Variants in DST observed in about 807,000 individuals in gnomAD.
DST encodes dystonin, also known as bullous pemphigoid antigen.
In DST, 253 loss-of-function variants were observed where a neutral mutation model predicts 875.2. The observed-to-expected ratio is 0.29, with a 90% CI of 0.26 to 0.32. DST has a LOEUF of 0.32. Among genes scored for constraint, DST ranks in the 10% least tolerant of loss-of-function variants. The pLI, the probability that DST is intolerant of heterozygous loss-of-function variation, is 1.00. For missense variants in DST, 8,287 were observed against 9,111.6 expected (o/e 0.91, Z 3.68); for synonymous variants, 3,124 against 3,197.1 (o/e 0.98, Z 0.77).
Position 56,628,175 on chromosome 6 carries a change from A to C in DST, c.4476-14T>G. The C allele has an allele frequency of 6.2e-7, 1 of 1,611,596 alleles. No homozygotes were observed. The highest frequency in any genetic ancestry group is 1.7e-5 in the Admixed American group (1 of 60,024). On this transcript the variant is annotated splice_polypyrimidine_tract_variant and intron_variant, in intron 32 of 103. Transcript: ENST00000680361. ...AAGTCCCGTAACCTAAGAGAATAGT[A>C]ACCGAATAGTCACGGTGTCCAGCGA...
intron 10 of DST, among the ~76,000 whole-genome samples, chr6:56,668,599 T>A (rs6904008): frequency 0.012 from 1,862 of 151,612 alleles, 31 homozygotes; most frequent in African/African-American, 0.042. Context: ...TAAAAAAAAA[T>A]TTTAAAAAAT....
chr6:56,657,047 C>A (rs144275896), intron 10 of DST, among the ~76,000 whole-genome samples: 185 of 152,230 alleles, frequency 1.2e-3, no homozygotes, highest in African/African-American at 4.2e-3. Flanking sequence ...GTTTCTCCCC[C>A]CTCCCTCAGG....
rs371837412 is a variant in DST, at chr6:56,535,205, C to T, written c.16858G>A (p.Val5620Met). The change falls in exon 63 of 104, where the codon GTG becomes ATG. Residue 5620 changes from valine to methionine, a missense_variant. Val to Met is a conservative substitution (Grantham distance 21). Coordinates refer to ENST00000680361, the MANE Select transcript of DST (RefSeq NM_001374736.1). Reference sequence around the variant, plus strand: ...TTGGCCACAAGCTCCTCAGTGTCCACCATCCAGCTGAGCAGGGACTCCAGG... The same window carrying T: ...TTGGCCACAAGCTCCTCAGTGTCCATCATCCAGCTGAGCAGGGACTCCAGG... ...DALESLLSWM[V>M]DTEELVANQK... 3.0e-5 allele frequency: 48 copies of T among 1,613,694 alleles called. No individual in the cohort carries two copies. Among genetic ancestry groups the T allele is most frequent in the African/African-American group, 2.3e-4 (17 of 74,922 alleles).
At chr6:56,514,646 A>G (rs2096555727) in intron 72 of DST, among the ~76,000 whole-genome samples, 1 of 150,132 alleles carries the variant, frequency 6.7e-6, no homozygotes, top group African/African-American at 2.5e-5. Context: ...CATGCACACC[A>G]TGATTAGTCT....
At chr6:56,881,336 G>C (rs1782117466) in intron 3 of DST, among the ~76,000 whole-genome samples, 1 of 152,006 alleles carries the variant, frequency 6.6e-6, no homozygotes, top group Non-Finnish European at 1.5e-5. Flanking sequence ...AGCCGGGCTT[G>C]GTGAGACATG....
At chr6:56,543,284 C>T (rs192355778) in intron 61 of DST, among the ~76,000 whole-genome samples, 13 of 152,320 alleles carry the variant, frequency 8.5e-5, no homozygotes, top group Admixed American at 5.9e-4. Flanking sequence ...GTGCAGATCA[C>T]TTTGAAGTCG....
intron 84 of DST, 147 bp downstream of exon 84, chr6:56,492,787 C>A: frequency 1.5e-6 from 1 of 677,762 alleles, no homozygotes; most frequent in South Asian, 2.5e-5. Flanking sequence ...GCACAAGAAT[C>A]GCTTGAACCG....
chr6:56,515,075 T>C (rs955133751), intron 72 of DST, among the ~76,000 whole-genome samples: 30 of 152,242 alleles, frequency 2.0e-4, no homozygotes, highest in African/African-American at 7.2e-4. Context: ...GGTTCTCCCA[T>C]ATATTTCCAC....
intron 2 of DST, among the ~76,000 whole-genome samples, chr6:56,931,245 C>T (rs1056619473): frequency 3.3e-5 from 5 of 152,094 alleles, no homozygotes; most frequent in Non-Finnish European, 7.4e-5. Context: ...GGTTCAAGTC[C>T]CAAGACTTGG....
At chr6:56,696,986 TA>T (rs981989706) in intron 9 of DST, among the ~76,000 whole-genome samples, 1 of 152,184 alleles carries the variant, frequency 6.6e-6, no homozygotes, top group African/African-American at 2.4e-5. Flanking sequence ...TGTGTAGTGA[TA>T]ACTTCTCCAA....
Position 56,606,242 on chromosome 6 carries a change from C to G in DST, c.8386G>C (p.Asp2796His). The change falls in exon 40 of 104, where the codon GAT becomes CAT. Residue 2796 changes from aspartate (D) to histidine (H), a missense_variant. This residue lies in a region of DST where 3,138 missense variants were observed against 3,116.6 expected (regional missense o/e 1.01). Coordinates refer to ENST00000680361, the MANE Select transcript of DST (RefSeq NM_001374736.1). The stretch of plus-strand genomic sequence containing the variant: ...TGATCATTACTGTCATATATATAAT[C>G]CCCATAACTTTCTTCACTTTGCATA... ...DSMQSEESYG[D>H]YIYDSNDQDD... 6.4e-6 allele frequency: 10 copies of G among 1,566,928 alleles called. No individual in the cohort carries two copies. Among genetic ancestry groups the G allele is most frequent in the Non-Finnish European group, 8.7e-6 (10 of 1,154,210 alleles).
At position 56,607,605 on chromosome 6, in the gene DST, G is replaced by A. The variant is rs764578066; in HGVS notation, c.7023C>T (p.Pro2341=). 8 of 1,613,030 alleles carry A rather than the reference G, an allele frequency of 5.0e-6. No individual in the cohort carries two copies. Among genetic ancestry groups the A allele is most frequent in the South Asian group, 4.4e-5 (4 of 91,042 alleles). ...TCTGTGTTAAATATGATATGAGACT[G>A]GGAACACACACACTGGGTGAACTGT... ...KVNSSPSVCV[P]SLISYLTQTE... Residue 2341 remains proline (P), a synonymous_variant, in exon 40 of 104, where the codon CCC becomes CCT. Transcript: ENST00000680361.
At chr6:56,914,297 C>T (rs1168176212) in intron 2 of DST, among the ~76,000 whole-genome samples, 5 of 152,166 alleles carry the variant, frequency 3.3e-5, no homozygotes, top group Non-Finnish European at 7.3e-5. Context: ...ACACTATATT[C>T]AAAACTACAA....
At chr6:56,704,395 G>T in intron 5 of DST, 26 bp from the exon 6 acceptor site, 1 of 1,191,374 alleles carries the variant, frequency 8.4e-7, no homozygotes, top group Non-Finnish European at 1.2e-6. Flanking sequence ...CAAAATTTGG[G>T]GTCCTAGAAC....
chr6:56,689,321 C>T (rs901343656), intron 9 of DST, among the ~76,000 whole-genome samples: 1 of 152,120 alleles, frequency 6.6e-6, no homozygotes, highest in African/African-American at 2.4e-5. Flanking sequence ...TGTCTGGTGG[C>T]AAAGCCTGAC....
chr6:56,569,366 T>C (rs1161994369), intron 54 of DST, among the ~76,000 whole-genome samples: 3 of 135,860 alleles, frequency 2.2e-5, no homozygotes, highest in African/African-American at 9.5e-5. Flanking sequence ...CATCCACAAA[T>C]TTGGAATGGG....
At position 56,506,799 on chromosome 6, in the gene DST, G is replaced by T. The variant is rs763787804; in HGVS notation, c.19240-10C>A. On this transcript the variant is annotated splice_polypyrimidine_tract_variant and intron_variant, in intron 75 of 103. Coordinates refer to ENST00000680361, the MANE Select transcript of DST (RefSeq NM_001374736.1). ...TTTCTTCCCTTATGGTCTAGAATAA[G>T]AAAATGACAGCCTTAGAATTTTAAG... The T allele has an allele frequency of 6.2e-7, 1 of 1,601,606 alleles. No individual in the cohort carries two copies. Among genetic ancestry groups the T allele is most frequent in the Non-Finnish European group, 8.5e-7 (1 of 1,175,206 alleles).
chr6:56,529,323 A>C (rs764273238), intron 66 of DST, 125 bp downstream of exon 66: 63 of 800,152 alleles, frequency 7.9e-5, no homozygotes, highest in Non-Finnish European at 1.2e-4. Context: ...CTGTATAAAC[A>C]GTCTTTTTTT....
chr6:56,743,805 A>C lies in DST; in HGVS notation c.626-8516T>G, dbSNP rs2099556975. Among the ~76,000 whole-genome samples the C allele has an allele frequency of 2.0e-5, 3 of 152,224 alleles. No individual in the cohort carries two copies. In the South Asian group the frequency reaches 6.2e-4, roughly 32 times the overall value. On this transcript the variant is annotated intron_variant, in intron 4 of 103. Coordinates refer to ENST00000680361, the MANE Select transcript of DST (RefSeq NM_001374736.1). ...TTTGTAAAAGCCTACTCAACTTTAT[A>C]ATTTCATACTTAGGAAATAAAATTC...
Sources: gnomAD v4.1 joint callset for allele counts (sites outside exome capture counted in the v4.1 genomes callset) on GRCh38, gnomAD v4.1.1 for gene constraint, gnomAD v4.1.1 regional missense constraint, MANE v1.5 for transcripts, NCBI Gene and HGNC (gene_info 2026-07-23, HGNC 2026-07-21) for gene names.